The following VDAC1 variants were observed in gnomAD, a reference collection of about 807,000 sequenced individuals.
The protein encoded by VDAC1 is non-selective voltage-gated ion channel VDAC1.
VDAC1 carries 10 observed loss-of-function variants against 34.7 expected under a neutral mutation model. The ratio of observed to expected loss-of-function variants is 0.29; its 90% CI spans 0.18 to 0.49. VDAC1 has a LOEUF of 0.49. Ranked by LOEUF, VDAC1 falls within the 20% of genes least tolerant of loss-of-function variation. The pLI, the probability that VDAC1 is intolerant of heterozygous loss-of-function variation, is 0.99. For missense variants in VDAC1, 230 were observed against 347.9 expected (o/e 0.66, Z 2.69); for synonymous variants, 130 against 136.0 (o/e 0.96, Z 0.30).
chr5:133,990,843 T>C lies in VDAC1; in HGVS notation c.323+12A>G. 1 of 1,530,414 alleles carries C rather than the reference T, an allele frequency of 6.5e-7. No homozygotes were observed. 94.8% of individuals were successfully genotyped at this position (1,530,414 alleles called of 1,614,324 possible). A position where few individuals can be genotyped will look rare whatever the true frequency, so the allele number is the denominator to read the frequency against. On this transcript the variant is annotated intron_variant, in intron 5 of 8. Transcript: ENST00000265333. ...AGAACATCCTTGTGGAGAAAACAGA[T>C]GAAACTCTTACCCAGTGTTAGGTGA...
At chr5:134,029,690 T>G in the VDAC1 span, among the ~76,000 whole-genome samples, 4 of 152,234 alleles carry the variant, frequency 2.6e-5, no homozygotes, top group African/African-American at 9.6e-5. Context: ...ATTCCATTTA[T>G]GTAACATTCT....
the VDAC1 span, among the ~76,000 whole-genome samples, chr5:134,050,419 C>T: frequency 6.6e-6 from 1 of 152,166 alleles, no homozygotes; most frequent in African/African-American, 2.4e-5. Context: ...TCAGCACACC[C>T]TTTGGGGGAT....
At chr5:133,974,027 C>T (rs1752390563) in intron 7 of VDAC1, among the ~76,000 whole-genome samples, 179 bp from the exon 8 acceptor site, 1 of 152,122 alleles carries the variant, frequency 6.6e-6, no homozygotes, top group South Asian at 2.1e-4. Context: ...TAGGTGCATA[C>T]CTTTCTGTTC....
chr5:134,051,822 C>G, the VDAC1 span, among the ~76,000 whole-genome samples: 3 of 152,068 alleles, frequency 2.0e-5, no homozygotes, highest in South Asian at 6.2e-4. Flanking sequence ...CCTCAGCCTC[C>G]CGAGTATCTG....
the VDAC1 span, among the ~76,000 whole-genome samples, chr5:134,096,352 T>TAAA: frequency 6.6e-6 from 1 of 152,222 alleles, no homozygotes; most frequent in Non-Finnish European, 1.5e-5. Flanking sequence ...ACAAGGCATC[T>TAAA]AAAAGATTGC....
chr5:133,977,600 A>G (rs947696124), intron 6 of VDAC1, among the ~76,000 whole-genome samples: 1 of 152,168 alleles, frequency 6.6e-6, no homozygotes, highest in African/African-American at 2.4e-5. Context: ...CGAAGAGCTC[A>G]GAGTCTACAC....
At chr5:134,024,468 G>C in the VDAC1 span, among the ~76,000 whole-genome samples, 10 of 151,116 alleles carry the variant, frequency 6.6e-5, no homozygotes, top group South Asian at 2.1e-3. Flanking sequence ...GGCAGAGGTT[G>C]CAGTGAGCCG....
At chr5:134,014,031 T>C in the VDAC1 span, among the ~76,000 whole-genome samples, 1 of 151,960 alleles carries the variant, frequency 6.6e-6, no homozygotes, top group Non-Finnish European at 1.5e-5. Flanking sequence ...GGCTCACGCC[T>C]GTAATCCCAG....
chr5:134,068,168 C>G, the VDAC1 span, among the ~76,000 whole-genome samples: 3 of 152,192 alleles, frequency 2.0e-5, no homozygotes, highest in East Asian at 5.8e-4. Context: ...TTACTCTACT[C>G]CATCTTCTTA....
the VDAC1 span, among the ~76,000 whole-genome samples, chr5:134,025,401 A>C: frequency 1.3e-5 from 2 of 152,066 alleles, no homozygotes; most frequent in Admixed American, 1.3e-4. Flanking sequence ...ACCAGGCCCC[A>C]CCTCCAACAC....
intron 1 of VDAC1, among the ~76,000 whole-genome samples, chr5:133,999,341 G>C (rs1753450422): frequency 6.6e-6 from 1 of 152,142 alleles, no homozygotes; most frequent in South Asian, 2.1e-4. Context: ...AGGAATGAGT[G>C]AAACAGGCAG....
the VDAC1 span, among the ~76,000 whole-genome samples, chr5:134,039,621 G>A: frequency 4.6e-5 from 7 of 152,124 alleles, no homozygotes; most frequent in Admixed American, 1.3e-4. Flanking sequence ...GAGCCACCGC[G>A]CCCGGCAGAC....
chr5:134,110,622 C>T, the VDAC1 span, among the ~76,000 whole-genome samples: 1 of 152,262 alleles, frequency 6.6e-6, no homozygotes, highest in African/African-American at 2.4e-5. Context: ...GGGAAGTGCT[C>T]CTGCCGAGAG....
chr5:133,990,739 G>T, intron 5 of VDAC1, 116 bp downstream of exon 5: 1 of 1,248,850 alleles, frequency 8.0e-7, no homozygotes, highest in Non-Finnish European at 1.1e-6. Context: ...AAATCGCCAG[G>T]TCTCGGAGAC....
At chr5:134,104,574 G>T in the VDAC1 span, among the ~76,000 whole-genome samples, 8 of 152,218 alleles carry the variant, frequency 5.3e-5, no homozygotes, top group Non-Finnish European at 1.2e-4. Context: ...AGGGAGGCAA[G>T]GGATGCAGGG....
chr5:134,068,139 A>G, the VDAC1 span, among the ~76,000 whole-genome samples: 1 of 151,344 alleles, frequency 6.6e-6, no homozygotes, highest in African/African-American at 2.4e-5. Context: ...CAAAACAAAA[A>G]CAGAATGCTT....
At chr5:133,975,109 A>AT (rs1306347581) in intron 7 of VDAC1, among the ~76,000 whole-genome samples, 4 of 151,770 alleles carry the variant, frequency 2.6e-5, no homozygotes, top group African/African-American at 9.7e-5. Context: ...TCTACTAAAA[A>AT]TTTTTTTTTA....
chr5:134,043,382 G>T, the VDAC1 span, among the ~76,000 whole-genome samples: 2 of 152,158 alleles, frequency 1.3e-5, no homozygotes, highest in East Asian at 3.8e-4. Context: ...TAGGACAAGG[G>T]CAGCGCTGGG....
chr5:134,102,528 C>T, the VDAC1 span, among the ~76,000 whole-genome samples: 3 of 151,874 alleles, frequency 2.0e-5, no homozygotes, highest in African/African-American at 4.8e-5. Flanking sequence ...ATTAGCCAGG[C>T]GTGGTGGCGC....
Sources: gnomAD v4.1 joint callset for allele counts (sites outside exome capture counted in the v4.1 genomes callset) on GRCh38, gnomAD v4.1.1 for gene constraint, MANE v1.5 for transcripts, NCBI Gene and HGNC (gene_info 2026-07-23, HGNC 2026-07-21) for gene names.